The following ADAMTSL4 variants were observed in gnomAD, a reference collection of about 807,000 sequenced individuals.
ADAMTSL4 encodes ADAMTS like 4.
ADAMTSL4 carries 97 observed loss-of-function variants against 122.8 expected under a neutral mutation model. That is an observed-to-expected ratio of 0.79 (90% CI 0.67 to 0.93). The LOEUF (loss-of-function observed/expected upper bound fraction) is 0.93, where lower values mean the gene tolerates loss of function less well. ADAMTSL4 is among the 40% of genes least tolerant of loss of function. ADAMTSL4 has a pLI of 0.00. For synonymous variants in ADAMTSL4, 592 were observed against 568.0 expected (o/e 1.04, Z -0.60); for missense variants, 1,408 against 1,453.5 (o/e 0.97, Z 0.51).
rs760948110 is a variant in ADAMTSL4, at chr1:150,560,050, C to G, written c.3089-10C>G. The G allele has an allele frequency of 6.2e-7, 1 of 1,614,022 alleles. No homozygotes were observed. The highest frequency in any genetic ancestry group is 1.3e-5 in the African/African-American group (1 of 74,940). On this transcript the variant is annotated splice_polypyrimidine_tract_variant and intron_variant, in intron 18 of 18. Transcript: ENST00000271643. The stretch of plus-strand genomic sequence containing the variant: ...ACTCTCTTGTGCCCACTGGCCTCCT[C>G]TGTCCCCAGATGATCAATGCAAGGA...
Position 150,553,032 on chromosome 1 carries a change from TCAGCTCCCTACAGTG to T in ADAMTSL4, c.221_235del (p.Pro74_Leu78del). ...GGGTGCAGCGCAGGAGCCGGACATG[TCAGCTCCCTACAGTG>T]CAGCTCCACCCGAGTCTGCCCCTCC... On this transcript the variant is annotated inframe_deletion, in exon 5 of 19. Coordinates refer to ENST00000271643, the MANE Select transcript of ADAMTSL4 (RefSeq NM_019032.6). 4 of 1,613,318 alleles carry T rather than the reference TCAGCTCCCTACAGTG, an allele frequency of 2.5e-6. No individual in the cohort carries two copies. The highest frequency in any genetic ancestry group is 3.4e-6 in the Non-Finnish European group (4 of 1,179,890).
chr1:150,556,805 G>T lies in ADAMTSL4; in HGVS notation c.1749+12G>T. ...CTGTGGATGTCTATGTGAGCCTGGG[G>T]CCAGGGGCAGCTGAATGCTGGGGAG... On this transcript the variant is annotated intron_variant, in intron 10 of 18. Coordinates refer to ENST00000271643, the MANE Select transcript of ADAMTSL4 (RefSeq NM_019032.6). The surrounding 1 kb of genome is among the most constrained non-coding windows in gnomAD (Gnocchi z 4.1). The T allele has an allele frequency of 6.2e-7, 1 of 1,611,650 alleles. No homozygotes were observed.
rs775160861 is a variant in ADAMTSL4, at chr1:150,559,746, CTGGG to C, written c.2944-14_2944-11del. The C allele has an allele frequency of 2.5e-6, 4 of 1,613,844 alleles. No homozygotes were observed. Among genetic ancestry groups the C allele is most frequent in the Non-Finnish European group, 3.4e-6 (4 of 1,179,986 alleles). ...GCCTGGCAAAGGTCTGATATGATGG[CTGGG>C]GTCGCCCCAGTGTTCTCGCTCCTGC... is the stretch of plus-strand genomic sequence containing the variant. On this transcript the variant is annotated splice_polypyrimidine_tract_variant and intron_variant, in intron 17 of 18. Transcript: ENST00000271643. The surrounding 1 kb of genome is among the most constrained non-coding windows in gnomAD (Gnocchi z 4.1).
intron 2 of ADAMTSL4, chr1:150,550,493 G>A (rs1253689521): frequency 5.4e-6 from 2 of 369,680 alleles, no homozygotes; most frequent in African/African-American, 2.1e-5. Flanking sequence ...TAGACCCGTG[G>A]AGAGGGGCTG....
At position 150,560,473 on chromosome 1, in the gene ADAMTSL4, G is replaced by T. The variant is rs1672656446; in HGVS notation, c.*277G>T. 5.7e-6 allele frequency: 3 copies of T among 530,530 alleles called. No individual in the cohort carries two copies. The highest frequency in any genetic ancestry group is 1.0e-5 in the Non-Finnish European group (3 of 294,550). 32.9% of individuals were successfully genotyped at this position (530,530 alleles called of 1,614,324 possible). On this transcript the variant is annotated 3_prime_UTR_variant, in exon 19 of 19. Coordinates refer to ENST00000271643, the MANE Select transcript of ADAMTSL4 (RefSeq NM_019032.6). ...AACGTGTATCACTTTTCAAAAAGAGGTTACACAGACTGAGAAGGACAAGAC... is the reference window on the plus strand; with the variant it reads ...AACGTGTATCACTTTTCAAAAAGAGTTTACACAGACTGAGAAGGACAAGAC...
In ADAMTSL4 at chr1:150,556,851, A is replaced by G; in HGVS notation, c.1749+58A>G. 1.3e-6 allele frequency: 2 copies of G among 1,584,212 alleles called. No homozygotes were observed. The highest frequency in any genetic ancestry group is 4.5e-5 in the East Asian group (2 of 44,636). On this transcript the variant is annotated intron_variant, in intron 10 of 18. Transcript: ENST00000271643. The surrounding 1 kb of genome is among the most constrained non-coding windows in gnomAD (Gnocchi z 4.1). ...GGGAGGGAGGCTGTTCCCTCTGGGC[A>G]GAGCTGTGGTTGTCAAGATGGGAGA...
rs986240919 is a variant in ADAMTSL4, at chr1:150,554,720, G to T, written c.1234+253G>T. The T allele has an allele frequency of 5.5e-6, 8 of 1,455,026 alleles. No homozygotes were observed. The African/African-American group carries it at 1.1e-4, about 20-fold the overall frequency. The allele number at this position is 1,455,026 out of a possible 1,614,324, so 90.1% of individuals were successfully genotyped here. A position where few individuals can be genotyped will look rare whatever the true frequency, so the allele number is the denominator to read the frequency against. Reference sequence around the variant, plus strand: ...GGACTCCCCTGGGAAGGCCATCACTGGGGGTCAGGTGGCTGTGACACAAGA... The same window carrying T: ...GGACTCCCCTGGGAAGGCCATCACTTGGGGTCAGGTGGCTGTGACACAAGA... On this transcript the variant is annotated intron_variant, in intron 7 of 18. Coordinates refer to ENST00000271643, the MANE Select transcript of ADAMTSL4 (RefSeq NM_019032.6). This position sits in a 1 kb window ranked among gnomAD's most constrained non-coding sequence, Gnocchi z 4.0.
intron 12 of ADAMTSL4, 44 bp downstream of exon 12, chr1:150,557,379 C>G (rs757876134): frequency 2.3e-5 from 37 of 1,602,452 alleles, no homozygotes; most frequent in Admixed American, 1.7e-4. Flanking sequence ...TCCAAACCCC[C>G]CAACTGACAC....
chr1:150,559,735 T>C lies in ADAMTSL4; in HGVS notation c.2944-26T>C, dbSNP rs778219456. The C allele has an allele frequency of 2.5e-6, 4 of 1,613,774 alleles. No homozygotes were observed. Among genetic ancestry groups the C allele is most frequent in the African/African-American group, 1.3e-5 (1 of 75,026 alleles). On this transcript the variant is annotated intron_variant, in intron 17 of 18. Transcript: ENST00000271643. The surrounding 1 kb of genome is among the most constrained non-coding windows in gnomAD (Gnocchi z 4.1). ...GAGAATCCCGGGCCTGGCAAAGGTC[T>C]GATATGATGGCTGGGGTCGCCCCAG...
intron 18 of ADAMTSL4, 50 bp from the exon 19 acceptor site, chr1:150,560,010 G>C (rs200863648): frequency 6.2e-7 from 1 of 1,613,874 alleles, no homozygotes; most frequent in Non-Finnish European, 8.5e-7. Context: ...ATTCCCAGAC[G>C]GGTGGGTCCT....
At position 150,556,268 on chromosome 1, in the gene ADAMTSL4, A is replaced by G. The variant is rs762473848; in HGVS notation, c.1478A>G (p.Asp493Gly). The G allele has an allele frequency of 2.9e-5, 46 of 1,613,894 alleles. No individual in the cohort carries two copies. Among genetic ancestry groups the G allele is most frequent in the Non-Finnish European group, 3.8e-5 (45 of 1,180,014 alleles). ...CGCCTTGTTTCGGGGAACCTCACTG[A>G]CCGAGGGGGCCCCCTGGGCTATCAG... ...TCRLVSGNLT[D>G]RGGPLGYQKI... The change falls in exon 9 of 19, where the codon GAC (aspartate) becomes GGC (glycine). Residue 493 changes from aspartate (D) to glycine (G), a missense_variant. Asp to Gly is a moderately conservative substitution (Grantham distance 94). Transcript: ENST00000271643. This position sits in a 1 kb window ranked among gnomAD's most constrained non-coding sequence, Gnocchi z 4.1.
Position 150,553,205 on chromosome 1 carries a change from C to T in ADAMTSL4, c.386C>T (p.Ala129Val), listed in dbSNP as rs1326998719. 6.2e-7 allele frequency: 1 copy of T among 1,606,664 alleles called. No homozygotes were observed. The highest frequency in any genetic ancestry group is 1.3e-5 in the African/African-American group (1 of 74,818). Residue 129 changes from alanine (A) to valine (V), a missense_variant, in exon 5 of 19, where the codon GCT becomes GTT. Physicochemically the swap from Ala to Val is moderately conservative, Grantham distance 64 (BLOSUM62 0). Transcript: ENST00000271643. ...RGRGGPLRGP[A>V]SHLGREETQE... ...AGGGGTGGCCCACTTCGAGGTCCCG[C>T]TTCCCACCTAGGGAGAGAGGAGACC...
chr1:150,559,426 A>T lies in ADAMTSL4; in HGVS notation c.2903A>T (p.Gln968Leu). 2 of 1,613,210 alleles carry T rather than the reference A, an allele frequency of 1.2e-6. No individual in the cohort carries two copies. Among genetic ancestry groups the T allele is most frequent in the Non-Finnish European group, 1.7e-6 (2 of 1,179,978 alleles). ...CCTGCCCTGCAGCCCTGTCAAGGGC[A>T]GGCCTGCCAGGACCGATGGTTTTCC... ...RPPALQPCQGQACQDRWFSTP... is the reference protein window; with the variant it reads ...RPPALQPCQGLACQDRWFSTP... Residue 968 changes from glutamine to leucine, a missense_variant, in exon 17 of 19, where the codon CAG becomes CTG. By Grantham distance (113) the Gln-to-Leu change is moderately radical. Coordinates refer to ENST00000271643, the MANE Select transcript of ADAMTSL4 (RefSeq NM_019032.6). This position sits in a 1 kb window ranked among gnomAD's most constrained non-coding sequence, Gnocchi z 4.1.
rs1469602367 is a variant in ADAMTSL4 at position 150,559,624 on chromosome 1, G to T, written c.2944-137G>T. 6.4e-7 allele frequency: 1 copy of T among 1,555,202 alleles called. No homozygotes were observed. The highest frequency in any genetic ancestry group is 1.4e-5 in the African/African-American group (1 of 73,658). On this transcript the variant is annotated intron_variant, in intron 17 of 18. Transcript: ENST00000271643. The surrounding 1 kb of genome is among the most constrained non-coding windows in gnomAD (Gnocchi z 4.1). Reference sequence around the variant, plus strand: ...TTCTTATAGACTTGGAGGAAAGATGGGCCCTCTCCATTTGGGATTTCACAA... The same window carrying T: ...TTCTTATAGACTTGGAGGAAAGATGTGCCCTCTCCATTTGGGATTTCACAA...
Position 150,556,974 on chromosome 1 carries a change from T to A in ADAMTSL4, c.1785T>A (p.Tyr595Ter), listed in dbSNP as rs118203985. Residue 595 changes from tyrosine (Y) to a stop codon, truncating the protein, a stop_gained, in exon 11 of 19, where the codon TAT becomes TAA. Transcript: ENST00000271643. LOFTEE classifies it high-confidence loss of function. This position sits in a 1 kb window ranked among gnomAD's most constrained non-coding sequence, Gnocchi z 4.1. Reference protein sequence around the residue: ...IFQEENPGVFYQYVISSPPPI... With the variant: ...IFQEENPGVF ...AGGAGGAAAACCCAGGCGTTTTTTA[T>A]CAGTATGTCATCTCTTCACCTCCTC... 6.2e-7 allele frequency: 1 copy of A among 1,614,108 alleles called. No homozygotes were observed. Among genetic ancestry groups the A allele is most frequent in the Non-Finnish European group, 8.5e-7 (1 of 1,180,000 alleles).
chr1:150,554,706 G>T lies in ADAMTSL4; in HGVS notation c.1234+239G>T. On this transcript the variant is annotated intron_variant, in intron 7 of 18. Transcript: ENST00000271643. This position sits in a 1 kb window ranked among gnomAD's most constrained non-coding sequence, Gnocchi z 4.0. ...GACACGCTTTGTCCGGACTCCCCTG[G>T]GAAGGCCATCACTGGGGGTCAGGTG... 6.7e-7 allele frequency: 1 copy of T among 1,496,522 alleles called. No homozygotes were observed. Among genetic ancestry groups the T allele is most frequent in the South Asian group, 1.2e-5 (1 of 81,878 alleles). The allele number at this position is 1,496,522 out of a possible 1,614,324, so 92.7% of individuals were successfully genotyped here.
At position 150,560,370 on chromosome 1, in the gene ADAMTSL4, C is replaced by A; in HGVS notation, c.*174C>A. ...AGTGACTTTCAGGGCTGTGGTCAGG[C>A]CCATGTGGTGGTGTGATGGGTGTGT... On this transcript the variant is annotated 3_prime_UTR_variant, in exon 19 of 19. Transcript: ENST00000271643. The A allele has an allele frequency of 1.9e-6, 2 of 1,035,650 alleles. No individual in the cohort carries two copies. Among genetic ancestry groups the A allele is most frequent in the Non-Finnish European group, 2.8e-6 (2 of 719,162 alleles). The allele number at this position is 1,035,650 out of a possible 1,614,324, so 64.2% of individuals were successfully genotyped here.
Position 150,553,223 on chromosome 1 carries a change from A to C in ADAMTSL4, c.404A>C (p.Glu135Ala). 6.2e-7 allele frequency: 1 copy of C among 1,607,776 alleles called. No individual in the cohort carries two copies. Among genetic ancestry groups the C allele is most frequent in the Non-Finnish European group, 8.5e-7 (1 of 1,177,012 alleles). The change falls in exon 5 of 19, where the codon GAG (glutamate) becomes GCG (alanine). Residue 135 changes from glutamate to alanine, a missense_variant. By Grantham distance (107) the Glu-to-Ala change is moderately radical (BLOSUM62 -1). Coordinates refer to ENST00000271643, the MANE Select transcript of ADAMTSL4 (RefSeq NM_019032.6). ...LRGPASHLGR[E>A]ETQEIRAARR... ...GGTCCCGCTTCCCACCTAGGGAGAG[A>C]GGAGACCCAGGAGATTCGAGCGGCC...
At position 150,553,714 on chromosome 1, in the gene ADAMTSL4, C is replaced by G; in HGVS notation, c.723C>G (p.Ala241=). The change falls in exon 6 of 19, where the codon GCC becomes GCG. Residue 241 remains alanine (A), a synonymous_variant. Coordinates refer to ENST00000271643, the MANE Select transcript of ADAMTSL4 (RefSeq NM_019032.6). ...CTGAAACTGCTCAGACAGAGGTGGC[C>G]CCCAGAACCAGGCCTGCCCCCCTAC... ...LSPETAQTEV[A]PRTRPAPLRH... 6.2e-7 allele frequency: 1 copy of G among 1,613,196 alleles called. No homozygotes were observed. The highest frequency in any genetic ancestry group is 8.5e-7 in the Non-Finnish European group (1 of 1,179,692).
Sources: allele counts gnomAD v4.1 joint callset, GRCh38; gene constraint gnomAD v4.1.1; non-coding constraint Gnocchi (gnomAD v3.1); transcripts MANE v1.5; gene names NCBI Gene and HGNC (gene_info 2026-07-23, HGNC 2026-07-21).